The following TIAM1 variants were observed in gnomAD, a reference collection of about 807,000 sequenced individuals.
The protein encoded by TIAM1 is TIAM Rac1 associated GEF 1, also known as rho guanine nucleotide exchange factor TIAM1.
In TIAM1, 65 loss-of-function variants were observed where a neutral mutation model predicts 163.5. The observed-to-expected ratio is 0.40, with a 90% CI of 0.33 to 0.49. The LOEUF (loss-of-function observed/expected upper bound fraction) is 0.49. Ranked by LOEUF, TIAM1 falls within the 20% of genes least tolerant of loss-of-function variation. The pLI is 0.77. For missense variants in TIAM1, 1,789 were observed against 2,044.7 expected (o/e 0.87, Z 2.41); for synonymous variants, 833 against 810.1 (o/e 1.03, Z -0.48).
chr21:31,405,902 T>C (rs1006461342), intron 2 of TIAM1, among the ~76,000 whole-genome samples: 1 of 150,754 alleles, frequency 6.6e-6, no homozygotes, highest in Non-Finnish European at 1.5e-5. Flanking sequence ...CAAAACCAAG[T>C]CAGAGTCTCC....
chr21:31,452,955 G>T, intron 2 of TIAM1: 1 of 515,356 alleles, frequency 1.9e-6, no homozygotes, highest in South Asian at 1.5e-5. Flanking sequence ...CTACAAAGGT[G>T]AACTCAGGCT....
intron 2 of TIAM1, among the ~76,000 whole-genome samples, chr21:31,336,625 G>A (rs1433189102): frequency 6.6e-6 from 1 of 151,326 alleles, no homozygotes; most frequent in South Asian, 2.1e-4. Context: ...CCTTAACACT[G>A]TGGCACATGA....
At position 31,529,786 on chromosome 21, in the gene TIAM1, C is replaced by A. The variant is rs527396772; in HGVS notation, c.-422+29141G>T. On this transcript the variant is annotated intron_variant, in intron 1 of 28. Transcript: ENST00000286827. ...AACCTGGTATCATCTCTCCTAACTC[C>A]AGAGAAAATTCACCTCATGCCCCCT... is the stretch of plus-strand genomic sequence containing the variant. Among the ~76,000 whole-genome samples, 510 of 144,542 alleles carry A rather than the reference C, an allele frequency of 3.5e-3. 1 individual carries two copies. The highest frequency in any genetic ancestry group is 0.012 in the African/African-American group (486 of 39,766). The allele number at this position is 144,542 out of a possible 152,430, so 94.8% of individuals were successfully genotyped here.
chr21:31,296,320 T>C (rs2074263665), intron 2 of TIAM1, among the ~76,000 whole-genome samples: 1 of 151,958 alleles, frequency 6.6e-6, no homozygotes, highest in Non-Finnish European at 1.5e-5. Flanking sequence ...CCTCAAAAGG[T>C]TTAAACTTTA....
intron 2 of TIAM1, among the ~76,000 whole-genome samples, chr21:31,399,252 AT>A (rs534140134): frequency 0.017 from 2,530 of 151,392 alleles, 44 homozygotes; most frequent in African/African-American, 0.045. Context: ...CAAGGAAATT[AT>A]TTTTTTTTAA....
chr21:31,502,979 G>A (rs972837232), intron 1 of TIAM1, among the ~76,000 whole-genome samples: 1 of 152,196 alleles, frequency 6.6e-6, no homozygotes, highest in African/African-American at 2.4e-5. Flanking sequence ...AAAAGGATGG[G>A]CGCAGTGGCT....
intron 6 of TIAM1, among the ~76,000 whole-genome samples, chr21:31,237,825 G>A (rs1052632922): frequency 6.6e-6 from 1 of 152,186 alleles, no homozygotes; most frequent in Non-Finnish European, 1.5e-5. Flanking sequence ...CATAAAGGTG[G>A]GTGAGCTTTT....
chr21:31,524,410 C>G (rs555521430), intron 1 of TIAM1, among the ~76,000 whole-genome samples: 39 of 152,132 alleles, frequency 2.6e-4, no homozygotes, highest in Non-Finnish European at 5.0e-4. Flanking sequence ...GATCCGCCCC[C>G]ACAACACAAA....
intron 2 of TIAM1, among the ~76,000 whole-genome samples, chr21:31,459,956 G>C (rs2248980): frequency 0.1 from 15,147 of 152,180 alleles, 1,743 homozygotes; most frequent in East Asian, 0.58. Context: ...TTTTTCCTCA[G>C]GGTGCTTTTC....
At chr21:31,135,707 A>G (rs2082593450) in intron 23 of TIAM1, among the ~76,000 whole-genome samples, 1 of 152,100 alleles carries the variant, frequency 6.6e-6, no homozygotes, top group Non-Finnish European at 1.5e-5. Context: ...AGACTTGGGC[A>G]CAGCCATTTC....
chr21:31,119,176 C>G lies in TIAM1; in HGVS notation c.*1192G>C, dbSNP rs1441020831. On this transcript the variant is annotated 3_prime_UTR_variant, in exon 28 of 28. Transcript: ENST00000541036. Reference sequence around the variant, plus strand: ...CTTAGTATTTGGATATCTGTTTAGACTGTTAATGTTTTGAGCATGTTTACC... The same window carrying G: ...CTTAGTATTTGGATATCTGTTTAGAGTGTTAATGTTTTGAGCATGTTTACC... The G allele has an allele frequency of 6.6e-6, 1 of 151,864 alleles. No individual in the cohort carries two copies. The highest frequency in any genetic ancestry group is 2.4e-5 in the African/African-American group (1 of 41,022). 9.4% of individuals were successfully genotyped at this position (151,864 alleles called of 1,614,324 possible). A position where few individuals can be genotyped will look rare whatever the true frequency, so the allele number is the denominator to read the frequency against.
intron 27 of TIAM1, 103 bp downstream of exon 27, chr21:31,124,419 C>G (rs2082111676): frequency 1.3e-6 from 2 of 1,482,994 alleles, no homozygotes; most frequent in Non-Finnish European, 1.8e-6. Flanking sequence ...CAGCCCCCAC[C>G]AGGCCACACC....
chr21:31,190,864 A>G (rs1410173664), intron 13 of TIAM1, among the ~76,000 whole-genome samples: 2 of 152,200 alleles, frequency 1.3e-5, no homozygotes, highest in Non-Finnish European at 2.9e-5. Flanking sequence ...CTAAAATAGA[A>G]AGCAGCATAT....
At chr21:31,534,994 G>A (rs1338469490) in intron 1 of TIAM1, among the ~76,000 whole-genome samples, 1 of 152,014 alleles carries the variant, frequency 6.6e-6, no homozygotes, top group Non-Finnish European at 1.5e-5. Flanking sequence ...GGAAGCTGAG[G>A]TGAGAGGATC....
chr21:31,442,752 A>T (rs1386618292), intron 2 of TIAM1, among the ~76,000 whole-genome samples: 1 of 152,210 alleles, frequency 6.6e-6, no homozygotes. Flanking sequence ...AGTCAAAAAG[A>T]GGGCTCAGAG....
intron 2 of TIAM1, among the ~76,000 whole-genome samples, chr21:31,351,515 T>G (rs1337497743): frequency 6.6e-6 from 1 of 152,160 alleles, no homozygotes; most frequent in East Asian, 1.9e-4. Flanking sequence ...AGTGGGTACA[T>G]GAGAAATTCT....
Position 31,554,986 on chromosome 21 carries a change from C to T in TIAM1, c.-422+3941G>A, listed in dbSNP as rs555546918. On this transcript the variant is annotated intron_variant, in intron 1 of 28. Coordinates refer to the TIAM1 transcript ENST00000286827. ...GTCTTATGCTGGAGGGTGTGGAGGA[C>T]GGTGCCAGAGGCTGGGAAGGGAATG... Among the ~76,000 whole-genome samples, 6 of 152,166 alleles carry T rather than the reference C, an allele frequency of 3.9e-5. No individual in the cohort carries two copies. The South Asian group carries it at 6.2e-4, about 16-fold the overall frequency.
At chr21:31,547,750 T>C (rs1377456875) in intron 1 of TIAM1, among the ~76,000 whole-genome samples, 3 of 152,158 alleles carry the variant, frequency 2.0e-5, no homozygotes, top group Non-Finnish European at 4.4e-5. Flanking sequence ...ACTTGGAACG[T>C]TTTCTGAAAA....
chr21:31,185,022 G>A (rs1004721163), intron 14 of TIAM1, among the ~76,000 whole-genome samples: 1 of 152,248 alleles, frequency 6.6e-6, no homozygotes, highest in Admixed American at 6.5e-5. Flanking sequence ...AGGCAGTGGC[G>A]AAGATCAGCA....
Sources: gnomAD v4.1 joint callset for allele counts (sites outside exome capture counted in the v4.1 genomes callset) on GRCh38, gnomAD v4.1.1 for gene constraint, MANE v1.5 for transcripts, NCBI Gene and HGNC (gene_info 2026-07-23, HGNC 2026-07-21) for gene names.